The following SGCD variants were observed in gnomAD, a reference collection of about 807,000 sequenced individuals.
SGCD encodes delta-sarcoglycan.
Under a neutral mutation model 36.6 loss-of-function variants are expected in SGCD, and 18 were observed. The ratio of observed to expected loss-of-function variants is 0.49; its 90% confidence interval spans 0.34 to 0.73. The LOEUF (loss-of-function observed/expected upper bound fraction) is 0.73. SGCD is among the 30% of genes least tolerant of loss of function. The pLI, the probability that SGCD is intolerant of heterozygous loss-of-function variation, is 0.01. For missense variants in SGCD, 387 were observed against 346.7 expected, an observed-to-expected ratio of 1.12 and a Z score of -0.92; for synonymous variants, 133 against 130.6, an observed-to-expected ratio of 1.02 and a Z score of -0.12.
chr5:156,420,448 T>A (rs1212763993), intron 3 of SGCD, among the ~76,000 whole-genome samples: 2 of 152,152 alleles, frequency 1.3e-5, no homozygotes, highest in Non-Finnish European at 2.9e-5. Context: ...TTCGGGAATA[T>A]TGGAAGAATT....
In SGCD at chr5:156,244,097, T is replaced by C. The variant is rs568096614; in HGVS notation, c.-43-85437T>C. 2.0e-5 allele frequency among the ~76,000 whole-genome samples: 3 copies of C among 152,302 alleles called. No individual in the cohort carries two copies. The East Asian group carries it at 5.8e-4, about 29-fold the overall frequency. On this transcript the variant is annotated intron_variant, in intron 3 of 9. Coordinates refer to the SGCD transcript ENST00000517913. ...AATGTGATGAATCAAAATTGTGTGC[T>C]ACCTGGTAAAATGCAGTAAGAAGAG...
intron 3 of SGCD, among the ~76,000 whole-genome samples, chr5:156,426,918 C>T (rs1161436394): frequency 6.6e-6 from 1 of 152,050 alleles, no homozygotes; most frequent in South Asian, 2.1e-4. Context: ...ATTTTTATAC[C>T]AGTACCATGC....
chr5:156,229,293 T>TACACACAC (rs1281161236), intron 3 of SGCD, among the ~76,000 whole-genome samples: 2 of 125,228 alleles, frequency 1.6e-5, no homozygotes, highest in Non-Finnish European at 3.3e-5. Flanking sequence ...TATATATATA[T>TACACACAC]ATATATAAAA....
chr5:155,885,590 C>G (rs186208176), intron 1 of SGCD, among the ~76,000 whole-genome samples: 2 of 152,316 alleles, frequency 1.3e-5, no homozygotes, highest in Admixed American at 6.5e-5. Flanking sequence ...AAGGATAGCT[C>G]TGTTCTCTGA....
intron 1 of SGCD, among the ~76,000 whole-genome samples, chr5:155,939,379 G>A (rs530343407): frequency 2.0e-5 from 3 of 152,078 alleles, no homozygotes; most frequent in South Asian, 2.1e-4. Context: ...AGTGGCTCAC[G>A]CCTGTAATCC....
intron 3 of SGCD, among the ~76,000 whole-genome samples, chr5:156,387,176 G>A (rs926283206): frequency 5.9e-5 from 9 of 152,172 alleles, no homozygotes; most frequent in South Asian, 2.1e-4. Context: ...AGAAGCACAT[G>A]AGCCTCATGC....
At chr5:156,166,350 T>C (rs1387248970) in intron 3 of SGCD, among the ~76,000 whole-genome samples, 2 of 152,162 alleles carry the variant, frequency 1.3e-5, no homozygotes, top group African/African-American at 4.8e-5. Flanking sequence ...GGAGTCTCGC[T>C]CTGTCACCCA....
the SGCD span, among the ~76,000 whole-genome samples, chr5:155,766,487 T>G: frequency 6.6e-6 from 1 of 152,124 alleles, no homozygotes; most frequent in South Asian, 2.1e-4. Context: ...AAATCCAATA[T>G]TGAGTGAGAA....
upstream of SGCD, among the ~76,000 whole-genome samples, chr5:155,867,273 G>A (rs1755541916): frequency 6.6e-6 from 1 of 152,172 alleles, no homozygotes; most frequent in Admixed American, 6.5e-5. Context: ...AGTGAAAGGA[G>A]AGAAGAATCA....
chr5:156,294,593 C>G (rs1179071068), intron 3 of SGCD, among the ~76,000 whole-genome samples: 1 of 151,972 alleles, frequency 6.6e-6, no homozygotes, highest in African/African-American at 2.4e-5. Flanking sequence ...ATTCTTTTAC[C>G]ATTGAGTATG....
chr5:156,284,211 A>G (rs924828134), intron 3 of SGCD, among the ~76,000 whole-genome samples: 2 of 152,178 alleles, frequency 1.3e-5, no homozygotes, highest in Non-Finnish European at 2.9e-5. Context: ...GTCCAGGACC[A>G]GATGGATTCA....
intron 7 of SGCD, among the ~76,000 whole-genome samples, chr5:156,747,691 A>T (rs1052203397): frequency 6.6e-6 from 1 of 152,292 alleles, no homozygotes; most frequent in Admixed American, 6.5e-5. Flanking sequence ...TCTTAAGCTC[A>T]TAAGTGATAT....
At chr5:156,646,736 G>A (rs1205055753) in intron 6 of SGCD, among the ~76,000 whole-genome samples, 1 of 152,166 alleles carries the variant, frequency 6.6e-6, no homozygotes, top group Non-Finnish European at 1.5e-5. Context: ...GTGAAAAACT[G>A]AGGCTTAAAT....
At chr5:156,730,898 C>G (rs1231463573) in intron 7 of SGCD, among the ~76,000 whole-genome samples, 2 of 152,142 alleles carry the variant, frequency 1.3e-5, no homozygotes, top group Non-Finnish European at 2.9e-5. Context: ...CACAACCTCA[C>G]CAGTATCTAT....
At chr5:156,701,058 G>A (rs777922283) in intron 7 of SGCD, among the ~76,000 whole-genome samples, 1 of 151,830 alleles carries the variant, frequency 6.6e-6, no homozygotes, top group African/African-American at 2.4e-5. Context: ...TGCTTTCATG[G>A]TTTTAAATAC....
At chr5:156,588,726 T>C in intron 4 of SGCD, among the ~76,000 whole-genome samples, 1 of 152,208 alleles carries the variant, frequency 6.6e-6, no homozygotes, top group Admixed American at 6.5e-5. Context: ...ATACATGCAT[T>C]GCAAACATCT....
At chr5:156,384,484 T>G (rs530056549) in intron 3 of SGCD, among the ~76,000 whole-genome samples, 26 of 152,320 alleles carry the variant, frequency 1.7e-4, no homozygotes, top group East Asian at 3.9e-4. Flanking sequence ...AATAAGAACC[T>G]TATCTATCTA....
chr5:156,516,040 G>C (rs1415217841), intron 4 of SGCD, among the ~76,000 whole-genome samples: 1 of 152,222 alleles, frequency 6.6e-6, no homozygotes, highest in Non-Finnish European at 1.5e-5. Context: ...GGACCCCCAG[G>C]GGGAGAAGCA....
At chr5:156,202,495 T>C (rs1764173876) in intron 3 of SGCD, among the ~76,000 whole-genome samples, 1 of 152,158 alleles carries the variant, frequency 6.6e-6, no homozygotes, top group Admixed American at 6.6e-5. Flanking sequence ...TTTTTAGCAC[T>C]GAGATTTCTT....
Sources: gnomAD v4.1 joint callset for allele counts (sites outside exome capture counted in the v4.1 genomes callset) on GRCh38, gnomAD v4.1.1 for gene constraint, MANE v1.5 for transcripts, NCBI Gene and HGNC (gene_info 2026-07-23, HGNC 2026-07-21) for gene names.